Variants in IL26 observed in about 807,000 individuals in gnomAD.
The protein encoded by IL26 is interleukin-26.
A neutral mutation model predicts 21.7 loss-of-function variants in IL26; 23 were observed. The observed-to-expected ratio is 1.06, with a 90% CI of 0.76 to 1.50. The LOEUF is 1.50. IL26 is among the 40% of genes most tolerant of loss of function. The pLI, the probability that IL26 is intolerant of heterozygous loss-of-function variation, is 0.00. For synonymous variants in IL26, 63 were observed against 67.8 expected, an observed-to-expected ratio of 0.93 and a Z score of 0.34; for missense variants, 204 against 196.0, an observed-to-expected ratio of 1.04 and a Z score of -0.24.
chr12:68,223,609 G>A (rs1869126432), intron 3 of IL26, among the ~76,000 whole-genome samples: 1 of 152,114 alleles, frequency 6.6e-6, no homozygotes, highest in Non-Finnish European at 1.5e-5. Flanking sequence ...ATTTAACAAT[G>A]CAACTTAAAT....
intron 3 of IL26, among the ~76,000 whole-genome samples, chr12:68,219,566 A>G (rs779073047): frequency 5.3e-5 from 8 of 151,946 alleles, no homozygotes; most frequent in Non-Finnish European, 5.9e-5. Context: ...CTAAACTCCT[A>G]TAATAAAAAG....
At chr12:68,224,007 GA>G (rs1213711871) in intron 3 of IL26, among the ~76,000 whole-genome samples, 2 of 142,576 alleles carry the variant, frequency 1.4e-5, no homozygotes, top group African/African-American at 2.7e-5. Context: ...TTGACCACAA[GA>G]AAAAAACATC....
intron 3 of IL26, among the ~76,000 whole-genome samples, chr12:68,224,081 A>G (rs1035429068): frequency 3.4e-5 from 5 of 149,202 alleles, no homozygotes; most frequent in Non-Finnish European, 5.9e-5. Flanking sequence ...CTCAGTGACC[A>G]TGATGCCCAG....
At chr12:68,208,798 C>T (rs11571042) in intron 3 of IL26, among the ~76,000 whole-genome samples, 5,536 of 152,204 alleles carry the variant, frequency 0.036, 342 homozygotes, top group African/African-American at 0.13. Flanking sequence ...CCACGCCCAG[C>T]CAGCATTTTC....
rs140710629 is a variant in IL26 at position 68,221,496 on chromosome 12, G to A, written c.363+3653C>T. Among the ~76,000 whole-genome samples, 116 of 152,284 alleles carry A rather than the reference G, an allele frequency of 7.6e-4. No individual in the cohort carries two copies. In the Middle Eastern group the frequency reaches 0.01, roughly 13 times the overall value. On this transcript the variant is annotated intron_variant, in intron 3 of 4. Transcript: ENST00000229134. ...AAAAAGAATAAATGGAAAGGAGGTG[G>A]ATAGGACCAGTTGCTCACCATGAGC...
intron 3 of IL26, among the ~76,000 whole-genome samples, chr12:68,205,390 T>A (rs1473425013): frequency 6.7e-6 from 1 of 149,050 alleles, no homozygotes; most frequent in Admixed American, 6.8e-5. Context: ...GATAACATGA[T>A]TAATCAATTA....
chr12:68,202,216 T>C, intron 3 of IL26, 133 bp from the exon 4 acceptor site: 1 of 501,784 alleles, frequency 2.0e-6, no homozygotes, highest in Non-Finnish European at 3.5e-6. Context: ...AAATAAATAA[T>C]GCATGATCTT....
intron 3 of IL26, among the ~76,000 whole-genome samples, chr12:68,209,137 T>C (rs1868629939): frequency 1.3e-5 from 2 of 152,084 alleles, no homozygotes; most frequent in Non-Finnish European, 1.5e-5. Flanking sequence ...AAAGCAAAAA[T>C]GGAAAACCTC....
At chr12:68,222,321 A>G (rs1371963455) in intron 3 of IL26, among the ~76,000 whole-genome samples, 2 of 152,212 alleles carry the variant, frequency 1.3e-5, no homozygotes, top group Non-Finnish European at 2.9e-5. Flanking sequence ...GGGCAGAGGA[A>G]ACTTTCAGAA....
intron 3 of IL26, among the ~76,000 whole-genome samples, chr12:68,222,716 G>A (rs1318487430): frequency 6.6e-6 from 1 of 152,100 alleles, no homozygotes; most frequent in Admixed American, 6.6e-5. Flanking sequence ...TTCAAGAAGG[G>A]ACTTGACCAA....
At position 68,224,054 on chromosome 12, in the gene IL26, T is replaced by C. The variant is rs372854650; in HGVS notation, c.363+1095A>G. Among the ~76,000 whole-genome samples the C allele has an allele frequency of 5.6e-5, 8 of 143,742 alleles. No homozygotes were observed. The East Asian group carries it at 1.6e-3, about 28-fold the overall frequency. 94.3% of individuals were successfully genotyped at this position (143,742 alleles called of 152,430 possible). A position where few individuals can be genotyped will look rare whatever the true frequency, so the allele number is the denominator to read the frequency against. On this transcript the variant is annotated intron_variant, in intron 3 of 4. Coordinates refer to ENST00000229134, the MANE Select transcript of IL26 (RefSeq NM_018402.2). ...AAAAATAAACACCCCCCCCCTCTAATGGCCCAGTGTTTAAGTCTCAGTGAC... is the reference window on the plus strand; with the variant it reads ...AAAAATAAACACCCCCCCCCTCTAACGGCCCAGTGTTTAAGTCTCAGTGAC...
chr12:68,209,897 A>C (rs1868658290), intron 3 of IL26, among the ~76,000 whole-genome samples: 1 of 152,164 alleles, frequency 6.6e-6, no homozygotes, highest in African/African-American at 2.4e-5. Context: ...TTATTAGATT[A>C]TACTCTATCA....
chr12:68,208,660 G>A (rs1020797996), intron 3 of IL26, among the ~76,000 whole-genome samples: 2 of 151,872 alleles, frequency 1.3e-5, no homozygotes, highest in Non-Finnish European at 1.5e-5. Flanking sequence ...CCACCACCAC[G>A]CCTGGCTAAT....
At chr12:68,215,960 A>C (rs1484453748) in intron 3 of IL26, among the ~76,000 whole-genome samples, 1 of 150,654 alleles carries the variant, frequency 6.6e-6, no homozygotes, top group East Asian at 2.0e-4. Flanking sequence ...CTGGGATTAC[A>C]GGCATGAGCC....
Position 68,202,062 on chromosome 12 carries a change from T to C in IL26, c.385A>G (p.Arg129Gly). 1 of 1,583,118 alleles carries C rather than the reference T, an allele frequency of 6.3e-7. No homozygotes were observed. The change falls in exon 4 of 5, where the codon AGA (arginine) becomes GGA (glycine). Residue 129 changes from arginine (R) to glycine (G), a missense_variant. Coordinates refer to ENST00000229134, the MANE Select transcript of IL26 (RefSeq NM_018402.2). ...ATCCTGGTAATGGATTTCATCTCTC[T>C]AGCTGATGAAGCACAGGAAATCTAA... ...SHCISCASSA[R>G]EMKSITRMKR...
At chr12:68,225,089 A>T in intron 3 of IL26, 60 bp downstream of exon 3, 1 of 1,518,014 alleles carries the variant, frequency 6.6e-7, no homozygotes, top group South Asian at 1.3e-5. Context: ...AGATTCTTAC[A>T]TGCTGACTTC....
At chr12:68,222,035 A>G (rs994998006) in intron 3 of IL26, among the ~76,000 whole-genome samples, 3 of 152,264 alleles carry the variant, frequency 2.0e-5, no homozygotes, top group Non-Finnish European at 2.9e-5. Context: ...AAAAGTTACC[A>G]TCACAAATTA....
rs943290153 is a variant in IL26 at position 68,225,489 on chromosome 12, T to A, written c.183A>T (p.Ile61=). 2.2e-5 allele frequency: 35 copies of A among 1,594,070 alleles called. No homozygotes were observed. The highest frequency in any genetic ancestry group is 2.8e-5 in the Non-Finnish European group (33 of 1,162,622). The stretch of plus-strand genomic sequence containing the variant: ...TCTTTTTTAATAATCGTATATTTTT[T>A]ATGCGGTCTTCCTACAATAATACAA... ...WLKATIPEDR[I]KNIRLLKKKT... The change falls in exon 2 of 5, where the codon ATA becomes ATT. Residue 61 remains isoleucine, a synonymous_variant. Transcript: ENST00000229134.
At position 68,219,208 on chromosome 12, in the gene IL26, G is replaced by A. The variant is rs576924452; in HGVS notation, c.363+5941C>T. ...CTAATTGAAATGTATAAAATACTCA[G>A]CCCAACAATGGCAGAATACATATTC... On this transcript the variant is annotated intron_variant, in intron 3 of 4. Coordinates refer to ENST00000229134, the MANE Select transcript of IL26 (RefSeq NM_018402.2). Among the ~76,000 whole-genome samples, 30 of 152,048 alleles carry A rather than the reference G, an allele frequency of 2.0e-4. No individual in the cohort carries two copies. The Middle Eastern group carries it at 0.017, about 86-fold the overall frequency.
Sources: gnomAD v4.1 joint callset for allele counts (sites outside exome capture counted in the v4.1 genomes callset) on GRCh38, gnomAD v4.1.1 for gene constraint, MANE v1.5 for transcripts, NCBI Gene and HGNC (gene_info 2026-07-23, HGNC 2026-07-21) for gene names.